The following CAT variants were observed in gnomAD, a reference collection of about 807,000 sequenced individuals.
The protein encoded by CAT is catalase, also known as epididymis secretory sperm binding protein.
In CAT, 43 loss-of-function variants were observed where a neutral mutation model predicts 59.0. That is an observed-to-expected ratio of 0.73 (90% CI 0.57 to 0.94). CAT has a LOEUF of 0.94. Ranked by LOEUF, CAT falls within the 40% of genes least tolerant of loss-of-function variation. CAT has a pLI of 0.00. For missense variants in CAT, 664 were observed against 682.9 expected (o/e 0.97, Z 0.31); for synonymous variants, 218 against 230.9 (o/e 0.94, Z 0.51).
intron 7 of CAT, 45 bp from the exon 8 acceptor site, chr11:34,456,599 TTTGTGGGTAGCTTTGATTTCC>T: frequency 6.9e-7 from 1 of 1,441,498 alleles, no homozygotes; most frequent in Non-Finnish European, 9.8e-7. Context: ...ATCTGGTATT[TTTGTGGGTAGCTTTGATTTCC>T]TTCAGTTGAT....
Position 34,449,255 on chromosome 11 carries a change from G to T in CAT, c.130G>T (p.Val44Leu), listed in dbSNP as rs1423399820. The stretch of plus-strand genomic sequence containing the variant: ...AGGAGACAAACTTAATGTTATTACA[G>T]TAGGGCCCCGTGGGCCCCTTCTTGT... ...PVGDKLNVITVGPRGPLLVQD... is the reference protein window; with the variant it reads ...PVGDKLNVITLGPRGPLLVQD... Residue 44 changes from valine to leucine, a missense_variant, in exon 2 of 13, where the codon GTA becomes TTA. By Grantham distance (32) the Val-to-Leu change is conservative (BLOSUM62 1). Transcript: ENST00000241052. The T allele has an allele frequency of 3.1e-6, 5 of 1,613,766 alleles. No homozygotes were observed. The highest frequency in any genetic ancestry group is 4.2e-6 in the Non-Finnish European group (5 of 1,179,718).
In CAT at chr11:34,468,272, T is replaced by A; in HGVS notation, c.1327-16T>A. ...TGGTGATTCAATTCTCTGCACTTGC[T>A]CTTTTCTCTGAGCAGGTGCGGGCAT... On this transcript the variant is annotated splice_polypyrimidine_tract_variant and intron_variant, in intron 10 of 12. Transcript: ENST00000241052. 1 of 1,589,046 alleles carries A rather than the reference T, an allele frequency of 6.3e-7. No individual in the cohort carries two copies. The highest frequency in any genetic ancestry group is 8.6e-7 in the Non-Finnish European group (1 of 1,157,046).
In CAT at chr11:34,453,822, C is replaced by G; in HGVS notation, c.607C>G (p.Arg203Gly). 6 of 1,613,234 alleles carry G rather than the reference C, an allele frequency of 3.7e-6. No individual in the cohort carries two copies. Among genetic ancestry groups the G allele is most frequent in the Non-Finnish European group, 5.1e-6 (6 of 1,179,276 alleles). Residue 203 changes from arginine (R) to glycine (G), a missense_variant, in exon 6 of 13, where the codon CGG becomes GGG. Coordinates refer to ENST00000241052, the MANE Select transcript of CAT (RefSeq NM_001752.4). ...LHQVSFLFSDRGIPDGHRHMN... is the reference protein window; with the variant it reads ...LHQVSFLFSDGGIPDGHRHMN... ...TTAGGTTTCTTTCTTGTTCAGTGATCGGGGGATTCCAGATGGACATCGCCA... is the reference window on the plus strand; with the variant it reads ...TTAGGTTTCTTTCTTGTTCAGTGATGGGGGGATTCCAGATGGACATCGCCA...
chr11:34,460,446 C>CTTTTTTTT (rs149180752), intron 8 of CAT, among the ~76,000 whole-genome samples: 16 of 84,498 alleles, frequency 1.9e-4, no homozygotes, highest in Admixed American at 4.1e-4. Context: ...GTGGGCGGTA[C>CTTTTTTTT]TTTTTTTTTT....
rs772083518 is a variant in CAT at position 34,471,079 on chromosome 11, G to T, written c.1518+38G>T. On this transcript the variant is annotated intron_variant, in intron 12 of 12. Transcript: ENST00000241052. The stretch of plus-strand genomic sequence containing the variant: ...CAGCCTGGCCATGCAGAGGCTGTGT[G>T]TGCTGGGTTGGAGTAGGCATGACTT... 3.8e-6 allele frequency: 6 copies of T among 1,560,096 alleles called. No individual in the cohort carries two copies. The South Asian group carries it at 6.7e-5, about 17-fold the overall frequency.
intron 1 of CAT, among the ~76,000 whole-genome samples, chr11:34,441,967 T>A (rs1856395871): frequency 6.6e-6 from 1 of 152,244 alleles, no homozygotes. Flanking sequence ...TACCATTTTA[T>A]ACTTCATCAG....
intron 7 of CAT, 89 bp from the exon 8 acceptor site, chr11:34,456,576 G>T (rs1382120781): frequency 1.5e-5 from 18 of 1,213,250 alleles, no homozygotes; most frequent in East Asian, 4.7e-5. Flanking sequence ...TCATTGGCTT[G>T]ATTGTATTTG....
intron 8 of CAT, among the ~76,000 whole-genome samples, chr11:34,459,284 G>C (rs183919439): frequency 1.3e-5 from 2 of 152,260 alleles, no homozygotes; most frequent in Admixed American, 6.5e-5. Flanking sequence ...AGCCAGTTAG[G>C]GGGGCTTTGG....
intron 8 of CAT, chr11:34,460,988 G>GA (rs894919587): frequency 6.9e-3 from 3,125 of 453,962 alleles, no homozygotes; most frequent in Middle Eastern, 0.01. Context: ...TATGCAGAAG[G>GA]AAAAAAAAAA....
chr11:34,463,479 A>G (rs1345813838), intron 9 of CAT, among the ~76,000 whole-genome samples: 1 of 152,222 alleles, frequency 6.6e-6, no homozygotes, highest in Non-Finnish European at 1.5e-5. Context: ...ACGGAATAGC[A>G]AAGTAGAGTT....
chr11:34,465,113 T>C (rs1856699699), intron 10 of CAT, among the ~76,000 whole-genome samples: 1 of 152,224 alleles, frequency 6.6e-6, no homozygotes, highest in Admixed American at 6.5e-5. Flanking sequence ...ATGTGTCCAG[T>C]GCAACTTATA....
intron 1 of CAT, among the ~76,000 whole-genome samples, chr11:34,445,704 C>G (rs1316669440): frequency 6.6e-6 from 1 of 151,994 alleles, no homozygotes; most frequent in Non-Finnish European, 1.5e-5. Flanking sequence ...AAGGACCTCT[C>G]CAGAGAGAGG....
At chr11:34,464,441 C>T (rs890577449) in intron 10 of CAT, among the ~76,000 whole-genome samples, 1 of 152,178 alleles carries the variant, frequency 6.6e-6, no homozygotes, top group African/African-American at 2.4e-5. Flanking sequence ...TCAAAGCATG[C>T]AGACTCCGTC....
intron 1 of CAT, among the ~76,000 whole-genome samples, chr11:34,442,671 G>C (rs1856405430): frequency 1.3e-5 from 2 of 152,232 alleles, no homozygotes. Context: ...GTTGAAGGAG[G>C]TGGGTGGGTG....
intron 10 of CAT, 55 bp downstream of exon 10, chr11:34,464,290 T>A: frequency 6.5e-7 from 1 of 1,544,418 alleles, no homozygotes; most frequent in East Asian, 2.2e-5. Context: ...TCCTTGTCAA[T>A]GCCTGCATAA....
intron 10 of CAT, among the ~76,000 whole-genome samples, chr11:34,465,463 T>C (rs1856703852): frequency 6.6e-6 from 1 of 152,224 alleles, no homozygotes; most frequent in Non-Finnish European, 1.5e-5. Context: ...CCAAGTATAT[T>C]ACAGTACATT....
intron 1 of CAT, among the ~76,000 whole-genome samples, chr11:34,445,968 A>G (rs1856449119): frequency 6.6e-6 from 1 of 152,188 alleles, no homozygotes; most frequent in Admixed American, 6.5e-5. Context: ...TGACAGGCTT[A>G]AGTGAGATAA....
At chr11:34,466,504 G>A (rs1181441821) in intron 10 of CAT, among the ~76,000 whole-genome samples, 1 of 152,120 alleles carries the variant, frequency 6.6e-6, no homozygotes, top group African/African-American at 2.4e-5. Context: ...TGGGCTGGGC[G>A]CGGTGGCTCA....
At chr11:34,457,658 C>T (rs546606704) in intron 8 of CAT, among the ~76,000 whole-genome samples, 1 of 149,376 alleles carries the variant, frequency 6.7e-6, no homozygotes, top group African/African-American at 2.4e-5. Flanking sequence ...TGTTTTACAT[C>T]ACTTTTTAAT....
Sources: gnomAD v4.1 joint callset for allele counts (sites outside exome capture counted in the v4.1 genomes callset) on GRCh38, gnomAD v4.1.1 for gene constraint, MANE v1.5 for transcripts, NCBI Gene and HGNC (gene_info 2026-07-23, HGNC 2026-07-21) for gene names.